Variants in TXNL1 observed in about 807,000 individuals in gnomAD.
The protein encoded by TXNL1 is thioredoxin-like protein 1.
TXNL1 carries 14 observed loss-of-function variants against 35.5 expected under a neutral mutation model. The observed-to-expected ratio is 0.39, with a 90% CI of 0.26 to 0.62. The LOEUF is 0.62. Among genes scored for constraint, TXNL1 ranks in the 20% least tolerant of loss-of-function variants. The pLI, the probability that TXNL1 is intolerant of heterozygous loss-of-function variation, is 0.47. For missense variants in TXNL1, 263 were observed against 349.7 expected (o/e 0.75, Z 1.98); for synonymous variants, 110 against 115.5 (o/e 0.95, Z 0.31).
At chr18:56,622,044 AC>A (rs2024197559) in intron 3 of TXNL1, among the ~76,000 whole-genome samples, 1 of 151,744 alleles carries the variant, frequency 6.6e-6, no homozygotes, top group African/African-American at 2.4e-5. Flanking sequence ...ATTAAATAAA[AC>A]AGCCTAGACC....
chr18:56,638,585 C>T lies in TXNL1; in HGVS notation c.-145G>A, dbSNP rs1379766554. ...GCGACCGCCGAGTCTTCTCCCGGGA[C>T]TCTCAGTGCCGAGTCACGCCAGGGA... On this transcript the variant is annotated 5_prime_UTR_variant, in exon 1 of 8. Transcript: ENST00000217515. The T allele has an allele frequency of 1.3e-6, 1 of 752,356 alleles. No homozygotes were observed. The highest frequency in any genetic ancestry group is 2.0e-6 in the Non-Finnish European group (1 of 494,548). 46.6% of individuals were successfully genotyped at this position (752,356 alleles called of 1,614,324 possible).
Position 56,624,443 on chromosome 18 carries a change from T to C in TXNL1, c.214A>G (p.Asn72Asp). ...HQCQGTAATN[N>D]ISATPTFLFF... ...AAAAATGTAGGTGTTGCTGATATAT[T>C]GTTGGTGGCAGCTGTTCCCTAGAAT... is the stretch of plus-strand genomic sequence containing the variant. Residue 72 changes from asparagine (N) to aspartate (D), a missense_variant, in exon 3 of 8, where the codon AAT (asparagine) becomes GAT (aspartate). Transcript: ENST00000217515. The C allele has an allele frequency of 6.2e-7, 1 of 1,612,978 alleles. No homozygotes were observed. Among genetic ancestry groups the C allele is most frequent in the Non-Finnish European group, 8.5e-7 (1 of 1,179,188 alleles).
At chr18:56,627,729 C>T (rs1012709368) in intron 1 of TXNL1, among the ~76,000 whole-genome samples, 2 of 151,900 alleles carry the variant, frequency 1.3e-5, no homozygotes, top group Non-Finnish European at 2.9e-5. Flanking sequence ...ACACAAAAAC[C>T]AATTCCAGAT....
chr18:56,610,875 T>A, intron 7 of TXNL1, 118 bp downstream of exon 7: 1 of 648,484 alleles, frequency 1.5e-6, no homozygotes, highest in Non-Finnish European at 2.5e-6. Flanking sequence ...TAAAATTTCA[T>A]GACATGATAT....
rs979650255 is a variant in TXNL1, at chr18:56,598,033, C to T, written c.*4994G>A. The T allele has an allele frequency of 1.3e-5, 2 of 152,144 alleles. No individual in the cohort carries two copies. The highest frequency in any genetic ancestry group is 2.9e-5 in the Non-Finnish European group (2 of 68,038). The allele number at this position is 152,144 out of a possible 1,614,324, so 9.4% of individuals were successfully genotyped here. On this transcript the variant is annotated 3_prime_UTR_variant, in exon 8 of 8. Coordinates refer to ENST00000217515, the MANE Select transcript of TXNL1 (RefSeq NM_004786.3). ...TTACCGTCTCTACTTGCTCTTTCAG[C>T]TTCTCCTTCACTTCCCTAGAATGTC... is the stretch of plus-strand genomic sequence containing the variant.
intron 4 of TXNL1, 137 bp downstream of exon 4, chr18:56,617,866 GA>G: frequency 8.4e-7 from 1 of 1,192,486 alleles, no homozygotes; most frequent in Non-Finnish European, 1.2e-6. Flanking sequence ...AAAAGTCAAA[GA>G]AACTAAAAGC....
chr18:56,603,281 GTTTTTTT>G (rs34882850), intron 7 of TXNL1, among the ~76,000 whole-genome samples: 2 of 120,372 alleles, frequency 1.7e-5, no homozygotes, highest in Non-Finnish European at 3.8e-5. Context: ...GTTTCACACA[GTTTTTTT>G]TTTTTTTTTA....
At chr18:56,626,771 T>TCCACCTGCC (rs2024288051) in intron 1 of TXNL1, among the ~76,000 whole-genome samples, 1 of 144,006 alleles carries the variant, frequency 6.9e-6, no homozygotes, top group African/African-American at 2.5e-5. Context: ...AGTGCTGGGA[T>TCCACCTGCC]TACAGGCGTG....
At chr18:56,603,274 TCA>T (rs57320184) in intron 7 of TXNL1, among the ~76,000 whole-genome samples, 90,622 of 149,684 alleles carry the variant, frequency 0.61, 32,387 homozygotes, top group Non-Finnish European at 0.78. Context: ...ATTTTTGGTT[TCA>T]CACAGTTTTT....
intron 7 of TXNL1, chr18:56,609,059 GTTCA>G (rs2023949245): frequency 6.6e-6 from 1 of 150,928 alleles, no homozygotes. Flanking sequence ...ATTAACATGT[GTTCA>G]TTATTTACAA....
At chr18:56,609,617 T>TA (rs2023958075) in intron 7 of TXNL1, 1 of 152,142 alleles carries the variant, frequency 6.6e-6, no homozygotes, top group South Asian at 2.1e-4. Context: ...ATAGATCTTA[T>TA]AAAAAACTAA....
rs2023762973 is a variant in TXNL1 at position 56,597,869 on chromosome 18, T to G, written c.*5158A>C. 6.6e-6 allele frequency: 1 copy of G among 152,226 alleles called. No homozygotes were observed. Among genetic ancestry groups the G allele is most frequent in the Non-Finnish European group, 1.5e-5 (1 of 68,040 alleles). 9.4% of individuals were successfully genotyped at this position (152,226 alleles called of 1,614,324 possible). A position where few individuals can be genotyped will look rare whatever the true frequency, so the allele number is the denominator to read the frequency against. On this transcript the variant is annotated 3_prime_UTR_variant, in exon 8 of 8. Coordinates refer to ENST00000217515, the MANE Select transcript of TXNL1 (RefSeq NM_004786.3). ...TATTCATCTTCCCCTCTGAACGTTC[T>G]GCTTCTCCTAAGAGCTACTTCTATA...
intron 1 of TXNL1, among the ~76,000 whole-genome samples, chr18:56,637,459 C>T (rs1169585507): frequency 6.6e-6 from 1 of 152,124 alleles, no homozygotes; most frequent in East Asian, 1.9e-4. Context: ...ATCTGTGAAA[C>T]ACACACACAC....
chr18:56,637,753 T>C (rs375331134), intron 1 of TXNL1, among the ~76,000 whole-genome samples: 1 of 152,142 alleles, frequency 6.6e-6, no homozygotes, highest in African/African-American at 2.4e-5. Context: ...AGCTACAAGT[T>C]AGTGGCCGAA....
chr18:56,625,838 T>A (rs2024268658), intron 2 of TXNL1, among the ~76,000 whole-genome samples: 1 of 152,198 alleles, frequency 6.6e-6, no homozygotes, highest in Non-Finnish European at 1.5e-5. Context: ...TTCCCCACAT[T>A]TCTGCATATA....
rs1317982840 is a variant in TXNL1, at chr18:56,600,448, T to C, written c.*2579A>G. ...TACGTGGCTGCCTCCAACAGAATATTGAGACTGGGGAACAATGTGGGGCAG... is the reference window on the plus strand; with the variant it reads ...TACGTGGCTGCCTCCAACAGAATATCGAGACTGGGGAACAATGTGGGGCAG... On this transcript the variant is annotated 3_prime_UTR_variant, in exon 8 of 8. Transcript: ENST00000217515. The C allele has an allele frequency of 1.4e-5, 2 of 145,960 alleles. No homozygotes were observed. Among genetic ancestry groups the C allele is most frequent in the African/African-American group, 5.1e-5 (2 of 39,516 alleles). 9.0% of individuals were successfully genotyped at this position (145,960 alleles called of 1,614,324 possible).
chr18:56,621,063 A>C (rs1223095193), intron 3 of TXNL1, among the ~76,000 whole-genome samples: 1 of 152,188 alleles, frequency 6.6e-6, no homozygotes, highest in Non-Finnish European at 1.5e-5. Context: ...TCTATATGTC[A>C]CTTCAATATG....
intron 3 of TXNL1, among the ~76,000 whole-genome samples, chr18:56,620,950 G>T (rs2024170236): frequency 6.6e-6 from 1 of 152,210 alleles, no homozygotes; most frequent in South Asian, 2.1e-4. Context: ...AAGGGCTACA[G>T]AGCAAAGTTT....
chr18:56,620,176 G>T (rs188801714), intron 3 of TXNL1, among the ~76,000 whole-genome samples: 17 of 152,100 alleles, frequency 1.1e-4, no homozygotes, highest in South Asian at 2.1e-4. Flanking sequence ...ACAATGGCCA[G>T]GCTGGTCTCC....
Sources: gnomAD v4.1 joint callset for allele counts (sites outside exome capture counted in the v4.1 genomes callset) on GRCh38, gnomAD v4.1.1 for gene constraint, MANE v1.5 for transcripts, NCBI Gene and HGNC (gene_info 2026-07-23, HGNC 2026-07-21) for gene names.